ZFAT: variants seen among roughly 807,000 people sequenced by gnomAD.
ZFAT encodes zinc finger and AT-hook domain containing.
A neutral mutation model predicts 117.7 loss-of-function variants in ZFAT; 64 were observed. The observed-to-expected ratio is 0.54, with a 90% CI of 0.44 to 0.67. The LOEUF is 0.67. ZFAT is among the 30% of genes least tolerant of loss of function. ZFAT has a pLI of 0.00. For synonymous variants in ZFAT, 679 were observed against 615.0 expected, an observed-to-expected ratio of 1.10 and a Z score of -1.54; for missense variants, 1,433 against 1,584.5, an observed-to-expected ratio of 0.90 and a Z score of 1.62.
chr8:134,779,670 A>T, the ZFAT span, among the ~76,000 whole-genome samples: 8 of 152,228 alleles, frequency 5.3e-5, no homozygotes, highest in Non-Finnish European at 1.0e-4. Flanking sequence ...CAAAAAATGT[A>T]TAAGTATCTA....
the ZFAT span, among the ~76,000 whole-genome samples, chr8:134,720,904 A>G: frequency 1.3e-5 from 2 of 152,224 alleles, no homozygotes; most frequent in African/African-American, 4.8e-5. Context: ...CCTTCATTTC[A>G]CATAGCCTTC....
chr8:134,657,648 C>T lies in ZFAT; in HGVS notation c.109G>A (p.Glu37Lys). The change falls in exon 2 of 16, where the codon GAA (glutamate) becomes AAA (lysine). Residue 37 changes from glutamate (E) to lysine (K), a missense_variant. Glu to Lys is a moderately conservative substitution (Grantham distance 56). This residue lies in a region of ZFAT where 436 missense variants were observed against 482.0 expected (regional missense o/e 0.90). Coordinates refer to ENST00000377838, the MANE Select transcript of ZFAT (RefSeq NM_020863.4). Reference protein sequence around the residue: ...LLSHVSEKHMEEGVNVDEIII... With the variant: ...LLSHVSEKHMKEGVNVDEIII... ...ATCTCATCAACATTAACCCCTTCTT[C>T]CATGTGCTTCTCTGAAACGTGGGAG... is the stretch of plus-strand genomic sequence containing the variant. The T allele has an allele frequency of 1.2e-6, 2 of 1,614,098 alleles. No homozygotes were observed. Among genetic ancestry groups the T allele is most frequent in the Non-Finnish European group, 1.7e-6 (2 of 1,180,018 alleles).
the ZFAT span, among the ~76,000 whole-genome samples, chr8:134,744,083 CG>C: frequency 1.3e-5 from 2 of 152,096 alleles, no homozygotes; most frequent in African/African-American, 2.4e-5. Flanking sequence ...GTCAGAAGTC[CG>C]GGCATGAGTT....
At chr8:134,672,711 G>A (rs1287207130) in intron 1 of ZFAT, among the ~76,000 whole-genome samples, 3 of 152,118 alleles carry the variant, frequency 2.0e-5, no homozygotes, top group South Asian at 2.1e-4. Context: ...GAACTCAGAC[G>A]GAAATGGCAC....
At chr8:134,716,143 TTATATA>T (rs375486869), upstream of ZFAT, among the ~76,000 whole-genome samples, 1 of 142,158 alleles carries the variant, frequency 7.0e-6, no homozygotes, top group Non-Finnish European at 1.5e-5. Context: ...TAAAATTTAT[TTATATA>T]TATATATATA....
intron 15 of ZFAT, among the ~76,000 whole-genome samples, chr8:134,508,595 C>T (rs1554634320): frequency 6.6e-6 from 1 of 152,210 alleles, no homozygotes; most frequent in Non-Finnish European, 1.5e-5. Context: ...CTGGACCCCA[C>T]TCCTCTCCCA....
the ZFAT span, among the ~76,000 whole-genome samples, chr8:134,752,221 T>C: frequency 6.6e-6 from 1 of 152,198 alleles, no homozygotes; most frequent in Non-Finnish European, 1.5e-5. Flanking sequence ...CTGAGCTCTC[T>C]CTAACATCTT....
rs1273426252 is a variant in ZFAT, at chr8:134,602,084, G to T, written c.1635C>A (p.Gly545=). Residue 545 remains glycine, a synonymous_variant, in exon 6 of 16, where the codon GGC becomes GGA. Coordinates refer to ENST00000377838, the MANE Select transcript of ZFAT (RefSeq NM_020863.4). Reference sequence around the variant, plus strand: ...CCCCAGGGGCCTCCGGCTCCTTCCGGCCCTCCTCCAGCTGAGTGTCCCCAG... The same window carrying T: ...CCCCAGGGGCCTCCGGCTCCTTCCGTCCCTCCTCCAGCTGAGTGTCCCCAG... ...ACPGDTQLEE[G]RKEPEAPGEM... is the part of the protein sequence containing the mutation. 3.1e-6 allele frequency: 5 copies of T among 1,611,500 alleles called. No individual in the cohort carries two copies. The highest frequency in any genetic ancestry group is 3.3e-4 in the Middle Eastern group (2 of 6,058).
At position 134,554,983 on chromosome 8, in the gene ZFAT, C is replaced by T. The variant is rs538879314; in HGVS notation, c.2976+10350G>A. 2.0e-5 allele frequency among the ~76,000 whole-genome samples: 3 copies of T among 152,306 alleles called. No homozygotes were observed. The South Asian group carries it at 6.2e-4, about 32-fold the overall frequency. ...ATTCTTGAGTTGGGGGTTACCAAGA[C>T]CACCCTCAGGTTCAATGACTCACTG... On this transcript the variant is annotated intron_variant, in intron 11 of 15. Transcript: ENST00000377838.
At chr8:134,801,919 T>G in the ZFAT span, among the ~76,000 whole-genome samples, 1 of 152,178 alleles carries the variant, frequency 6.6e-6, no homozygotes, top group Non-Finnish European at 1.5e-5. Context: ...CAGCAGTACT[T>G]GGGAACTGTG....
chr8:134,588,539 T>A, intron 8 of ZFAT, 144 bp from the exon 9 acceptor site: 2 of 889,096 alleles, frequency 2.2e-6, no homozygotes, highest in Non-Finnish European at 3.2e-6. Flanking sequence ...ACCTAAAAAG[T>A]AAAACCAGAA....
intron 1 of ZFAT, among the ~76,000 whole-genome samples, chr8:134,677,237 C>A (rs200646545): frequency 7.2e-5 from 11 of 151,992 alleles, no homozygotes; most frequent in Admixed American, 7.2e-4. Flanking sequence ...AACAAATAGA[C>A]GCAATAAAAA....
rs1814008283 is a variant in ZFAT at position 134,711,765 on chromosome 8, C to A, written c.19+1080G>T. Among the ~76,000 whole-genome samples, 3 of 152,204 alleles carry A rather than the reference C, an allele frequency of 2.0e-5. No homozygotes were observed. In the South Asian group the frequency reaches 6.2e-4, roughly 32 times the overall value. The stretch of plus-strand genomic sequence containing the variant: ...ACCGCAGCAGGTGGAGGCAGGACTA[C>A]GACTGGGACTGCTCTTTACCCCTGC... On this transcript the variant is annotated intron_variant, in intron 1 of 15. Transcript: ENST00000377838.
At chr8:134,603,236 G>A (rs1218163043) in intron 5 of ZFAT, among the ~76,000 whole-genome samples, 1 of 152,160 alleles carries the variant, frequency 6.6e-6, no homozygotes, top group Non-Finnish European at 1.5e-5. Flanking sequence ...CCTGGATTAG[G>A]ATAGCTGAGA....
the ZFAT span, among the ~76,000 whole-genome samples, chr8:134,745,004 C>T: frequency 1.3e-5 from 2 of 150,536 alleles, no homozygotes; most frequent in Non-Finnish European, 3.0e-5. Context: ...GCTGGAATTA[C>T]AGGCGTAGCC....
At chr8:134,609,456 G>A (rs1221111141) in intron 4 of ZFAT, among the ~76,000 whole-genome samples, 1 of 152,142 alleles carries the variant, frequency 6.6e-6, no homozygotes. Flanking sequence ...GAGTAGGGCA[G>A]ACAAAGTGAC....
At chr8:134,669,191 C>A (rs1174789207) in intron 1 of ZFAT, among the ~76,000 whole-genome samples, 2 of 152,158 alleles carry the variant, frequency 1.3e-5, no homozygotes, top group Non-Finnish European at 2.9e-5. Flanking sequence ...GGATATTATC[C>A]AGGAGAACTT....
chr8:134,745,036 C>T, the ZFAT span, among the ~76,000 whole-genome samples: 1 of 152,096 alleles, frequency 6.6e-6, no homozygotes, highest in East Asian at 1.9e-4. Context: ...CCAGGAAGGG[C>T]CTACTCTCTT....
the ZFAT span, among the ~76,000 whole-genome samples, chr8:134,756,077 G>T: frequency 6.6e-6 from 1 of 151,106 alleles, no homozygotes; most frequent in Non-Finnish European, 1.5e-5. Flanking sequence ...TTCCTGTAGG[G>T]CTCTTTCCCT....
Sources: allele counts gnomAD v4.1 joint callset (sites outside exome capture counted in the v4.1 genomes callset), GRCh38; gene constraint gnomAD v4.1.1; regional missense constraint gnomAD v4.1.1; transcripts MANE v1.5; gene names NCBI Gene and HGNC (gene_info 2026-07-23, HGNC 2026-07-21).